Variants in BBS9 observed in about 807,000 individuals in gnomAD.
BBS9 encodes the protein protein PTHB1.
A neutral mutation model predicts 117.7 loss-of-function variants in BBS9; 89 were observed. That is an observed-to-expected ratio of 0.76 (90% CI 0.64 to 0.90). The LOEUF is 0.90. Ranked by LOEUF, BBS9 falls within the 40% of genes least tolerant of loss-of-function variation. The probability of loss-of-function intolerance (pLI) is 0.00; values close to 1 mark genes in which losing one functional copy is unlikely to be tolerated. For missense variants in BBS9, 982 were observed against 1,042.2 expected (o/e 0.94, Z 0.80); for synonymous variants, 379 against 370.9 (o/e 1.02, Z -0.25).
At chr7:33,512,870 G>C (rs1348248345) in intron 20 of BBS9, among the ~76,000 whole-genome samples, 1 of 152,146 alleles carries the variant, frequency 6.6e-6, no homozygotes, top group African/African-American at 2.4e-5. Flanking sequence ...AACGCCCCTT[G>C]GCTCAGGCCC....
chr7:33,477,315 A>C (rs1841933192), intron 19 of BBS9, among the ~76,000 whole-genome samples: 1 of 152,198 alleles, frequency 6.6e-6, no homozygotes, highest in Non-Finnish European at 1.5e-5. Flanking sequence ...ACTTTGAAGA[A>C]CTATAGCCCC....
chr7:33,199,744 G>T (rs932563023), intron 5 of BBS9, among the ~76,000 whole-genome samples: 2 of 151,398 alleles, frequency 1.3e-5, no homozygotes, highest in African/African-American at 4.8e-5. Flanking sequence ...TTCGCTGCAG[G>T]GCTGCTAGAA....
chr7:33,159,602 C>T (rs1794556077), intron 4 of BBS9, among the ~76,000 whole-genome samples: 2 of 152,180 alleles, frequency 1.3e-5, no homozygotes, highest in Admixed American at 1.3e-4. Flanking sequence ...CAGGTTCTCA[C>T]ATAGGTGAGA....
At chr7:33,436,274 A>G (rs1482374032) in intron 19 of BBS9, among the ~76,000 whole-genome samples, 1 of 152,180 alleles carries the variant, frequency 6.6e-6, no homozygotes, top group Non-Finnish European at 1.5e-5. Flanking sequence ...ATTGCTGGTG[A>G]TGTGAACTTA....
At chr7:33,504,848 C>CA (rs1845923591) in intron 19 of BBS9, among the ~76,000 whole-genome samples, 1 of 140,142 alleles carries the variant, frequency 7.1e-6, no homozygotes, top group Non-Finnish European at 1.6e-5. Flanking sequence ...ACACCCTGAA[C>CA]TTTTTTTTTT....
chr7:33,443,240 T>C (rs1488574542), intron 19 of BBS9, among the ~76,000 whole-genome samples: 1 of 152,166 alleles, frequency 6.6e-6, no homozygotes, highest in Non-Finnish European at 1.5e-5. Context: ...AATGACTTGA[T>C]TTTTGTTTGA....
chr7:33,300,724 A>G (rs1184518021), intron 9 of BBS9, among the ~76,000 whole-genome samples: 8 of 151,962 alleles, frequency 5.3e-5, no homozygotes, highest in Non-Finnish European at 1.0e-4. Flanking sequence ...ACACTTAATA[A>G]CATTTAGATA....
In BBS9 at chr7:33,510,849, G is replaced by C. The variant is rs17170272; in HGVS notation, c.2298+5204G>C. ...CAAGAGAAAAAACATCTTATCAGTT[G>C]AGTTGACCACCTCAGCACATTTTAA... On this transcript the variant is annotated intron_variant, in intron 20 of 22. Transcript: ENST00000242067. Among the ~76,000 whole-genome samples the C allele has an allele frequency of 4.1e-3, 630 of 152,296 alleles. 2 individuals are homozygous for C. The highest frequency in any genetic ancestry group is 0.014 in the African/African-American group (583 of 41,568).
intron 20 of BBS9, among the ~76,000 whole-genome samples, chr7:33,529,135 A>G (rs1319749104): frequency 6.6e-6 from 1 of 152,226 alleles, no homozygotes; most frequent in Admixed American, 6.5e-5. Flanking sequence ...GCTGGCTCAC[A>G]GAAAAAGGGC....
intron 19 of BBS9, among the ~76,000 whole-genome samples, chr7:33,432,225 C>T (rs1834603101): frequency 6.6e-6 from 1 of 151,530 alleles, no homozygotes; most frequent in Non-Finnish European, 1.5e-5. Context: ...TCTCTTGCCT[C>T]AGCCTCCCGA....
chr7:33,600,673 G>A (rs1863655000), intron 21 of BBS9, among the ~76,000 whole-genome samples: 1 of 152,130 alleles, frequency 6.6e-6, no homozygotes, highest in East Asian at 1.9e-4. Flanking sequence ...TATACATGGG[G>A]CTCAGAAAAT....
At chr7:33,374,485 A>G (rs1176857712) in intron 17 of BBS9, among the ~76,000 whole-genome samples, 4 of 152,184 alleles carry the variant, frequency 2.6e-5, no homozygotes, top group Non-Finnish European at 5.9e-5. Context: ...TTTCTTAGCA[A>G]TATTATCAAG....
intron 10 of BBS9, among the ~76,000 whole-genome samples, chr7:33,338,663 T>C (rs1306640882): frequency 6.6e-6 from 1 of 152,224 alleles, no homozygotes; most frequent in Non-Finnish European, 1.5e-5. Context: ...ATAAGAGGAA[T>C]GTATGTTGTA....
At chr7:33,169,990 A>G (rs1310370392) in intron 4 of BBS9, among the ~76,000 whole-genome samples, 4 of 152,142 alleles carry the variant, frequency 2.6e-5, no homozygotes, top group Admixed American at 6.5e-5. Context: ...ATTTTTGTAT[A>G]AGGTGTAATC....
chr7:33,133,041 T>TA, intron 1 of BBS9, among the ~76,000 whole-genome samples: 1 of 152,138 alleles, frequency 6.6e-6, no homozygotes, highest in East Asian at 1.9e-4. Context: ...CAATCCGCCT[T>TA]GGCCTCCCAA....
intron 17 of BBS9, among the ~76,000 whole-genome samples, chr7:33,368,464 C>A (rs1584518932): frequency 6.6e-6 from 1 of 152,022 alleles, no homozygotes; most frequent in African/African-American, 2.4e-5. Flanking sequence ...TAGCTCTTGA[C>A]ATATGTAGTA....
intron 17 of BBS9, among the ~76,000 whole-genome samples, chr7:33,374,882 CAA>C (rs1179499210): frequency 1.9e-5 from 2 of 105,672 alleles, no homozygotes; most frequent in Non-Finnish European, 3.5e-5. Context: ...GCCTGGGCGA[CAA>C]GAGTGAAACT....
intron 19 of BBS9, among the ~76,000 whole-genome samples, chr7:33,496,028 A>G (rs1844655460): frequency 6.6e-6 from 1 of 152,184 alleles, no homozygotes; most frequent in African/African-American, 2.4e-5. Context: ...CATAGACCAG[A>G]AAAACCATTG....
intron 21 of BBS9, among the ~76,000 whole-genome samples, chr7:33,536,366 T>C (rs1851370235): frequency 2.0e-5 from 3 of 152,226 alleles, no homozygotes; most frequent in African/African-American, 7.2e-5. Flanking sequence ...GCACTTGTTG[T>C]CATTAACATG....
Sources: gnomAD v4.1 joint callset for allele counts (sites outside exome capture counted in the v4.1 genomes callset) on GRCh38, gnomAD v4.1.1 for gene constraint, MANE v1.5 for transcripts, NCBI Gene and HGNC (gene_info 2026-07-23, HGNC 2026-07-21) for gene names.